CREB1: variants seen among roughly 807,000 people sequenced by gnomAD.
The protein encoded by CREB1 is cyclic AMP-responsive element-binding protein 1.
Under a neutral mutation model 42.0 loss-of-function variants are expected in CREB1, and 2 were observed. The observed-to-expected ratio is 0.05, with a 90% CI of 0.02 to 0.15. The LOEUF (loss-of-function observed/expected upper bound fraction) is 0.15, where lower values mean the gene tolerates loss of function less well. Among genes scored for constraint, CREB1 ranks in the 10% least tolerant of loss-of-function variants. The probability of loss-of-function intolerance (pLI) is 1.00; values close to 1 mark genes in which losing one functional copy is unlikely to be tolerated. For synonymous variants in CREB1, 123 were observed against 139.9 expected, an observed-to-expected ratio of 0.88 and a Z score of 0.85; for missense variants, 199 against 388.9, an observed-to-expected ratio of 0.51 and a Z score of 4.11.
At chr2:207,579,013 C>G (rs1009447242) in intron 7 of CREB1, among the ~76,000 whole-genome samples, 1 of 152,078 alleles carries the variant, frequency 6.6e-6, no homozygotes, top group Admixed American at 6.6e-5. Flanking sequence ...GTCTCGAACT[C>G]TTGACCTTGT....
rs2087249272 is a variant in CREB1 at position 207,602,497 on chromosome 2, T to C, written c.*5439T>C. ...CATTTGACCTAACATTACTTGCCTATAGAAGTATGGCATTTCCAAGCTTTT... is the reference window on the plus strand; with the variant it reads ...CATTTGACCTAACATTACTTGCCTACAGAAGTATGGCATTTCCAAGCTTTT... On this transcript the variant is annotated 3_prime_UTR_variant, in exon 8 of 8. Transcript: ENST00000353267. 1 of 205,172 alleles carries C rather than the reference T, an allele frequency of 4.9e-6. No individual in the cohort carries two copies. Among genetic ancestry groups the C allele is most frequent in the Non-Finnish European group, 1.0e-5 (1 of 100,386 alleles). The allele number at this position is 205,172 out of a possible 1,614,324, so 12.7% of individuals were successfully genotyped here.
rs1231020999 is a variant in CREB1 at position 207,600,443 on chromosome 2, A to T, written c.*3385A>T. 1 of 195,734 alleles carries T rather than the reference A, an allele frequency of 5.1e-6. No homozygotes were observed. 12.1% of individuals were successfully genotyped at this position (195,734 alleles called of 1,614,324 possible). A position where few individuals can be genotyped will look rare whatever the true frequency, so the allele number is the denominator to read the frequency against. ...GATTTTATCTTCTAATTTTCTTCCAAGTATTTTATTTTTTATTAGTTTTCT... is the reference window on the plus strand; with the variant it reads ...GATTTTATCTTCTAATTTTCTTCCATGTATTTTATTTTTTATTAGTTTTCT... On this transcript the variant is annotated 3_prime_UTR_variant, in exon 8 of 8. Coordinates refer to ENST00000353267, the MANE Select transcript of CREB1 (RefSeq NM_004379.5).
In CREB1 at chr2:207,571,930, C is replaced by A. The variant is rs200281376; in HGVS notation, c.505+1609C>A. Among the ~76,000 whole-genome samples the A allele has an allele frequency of 1.1e-4, 17 of 151,948 alleles. 1 individual carries two copies. The East Asian group carries it at 3.3e-3, about 29-fold the overall frequency. Reference sequence around the variant, plus strand: ...CGTCTCCTCCAGCAGCTGAAAATTGCTAGTTTTAAGAGATTGAGCCAGGCG... The same window carrying A: ...CGTCTCCTCCAGCAGCTGAAAATTGATAGTTTTAAGAGATTGAGCCAGGCG... On this transcript the variant is annotated intron_variant, in intron 5 of 7. Coordinates refer to ENST00000353267, the MANE Select transcript of CREB1 (RefSeq NM_004379.5).
At chr2:207,582,426 ATTAT>A (rs1179223829) in intron 7 of CREB1, among the ~76,000 whole-genome samples, 3 of 152,272 alleles carry the variant, frequency 2.0e-5, no homozygotes, top group African/African-American at 7.2e-5. Context: ...TCTTCTCCAC[ATTAT>A]TTATTTTATC....
rs142438869 is a variant in CREB1, at chr2:207,603,775, A to G, written c.*6717A>G. ...ATATACCTTCTCAGGTCCCCTTGCA[A>G]TTCTAAAACTCTGTGATCATATAAA... On this transcript the variant is annotated 3_prime_UTR_variant, in exon 8 of 8. Coordinates refer to ENST00000353267, the MANE Select transcript of CREB1 (RefSeq NM_004379.5). Among the ~76,000 whole-genome samples the G allele has an allele frequency of 6.6e-6, 1 of 152,298 alleles. No homozygotes were observed. Among genetic ancestry groups the G allele is most frequent in the African/African-American group, 2.4e-5 (1 of 41,548 alleles).
intron 3 of CREB1, among the ~76,000 whole-genome samples, chr2:207,560,863 T>C (rs977313587): frequency 2.0e-5 from 3 of 152,192 alleles, no homozygotes; most frequent in Non-Finnish European, 4.4e-5. Context: ...TGAAATAATA[T>C]ATTCAGAGGT....
intron 1 of CREB1, among the ~76,000 whole-genome samples, chr2:207,545,677 G>A (rs1340314943): frequency 6.6e-6 from 1 of 151,830 alleles, no homozygotes; most frequent in African/African-American, 2.4e-5. Context: ...AAATTTGAAA[G>A]GTAAAGGTTA....
chr2:207,562,024 AAG>A (rs2081975576), intron 3 of CREB1, among the ~76,000 whole-genome samples: 1 of 152,156 alleles, frequency 6.6e-6, no homozygotes, highest in African/African-American at 2.4e-5. Flanking sequence ...TAACAAGTAA[AAG>A]ATAGTGTTGT....
intron 1 of CREB1, among the ~76,000 whole-genome samples, chr2:207,539,777 T>A (rs959428647): frequency 6.6e-6 from 1 of 152,204 alleles, no homozygotes; most frequent in African/African-American, 2.4e-5. Flanking sequence ...AGAATTCAAG[T>A]TGAATACTAA....
intron 7 of CREB1, among the ~76,000 whole-genome samples, chr2:207,586,495 A>G (rs2083866040): frequency 2.6e-5 from 4 of 152,364 alleles, no homozygotes; most frequent in African/African-American, 9.6e-5. Context: ...GCTTCCTGAC[A>G]TTAGACTTGG....
rs1286163277 is a variant in CREB1 at position 207,570,207 on chromosome 2, G to A, written c.391G>A (p.Ala131Thr). 2 of 1,610,372 alleles carry A rather than the reference G, an allele frequency of 1.2e-6. No individual in the cohort carries two copies. The highest frequency in any genetic ancestry group is 1.7e-6 in the Non-Finnish European group (2 of 1,178,704). Residue 131 changes from alanine (A) to threonine (T), a missense_variant, in exon 5 of 8, where the codon GCA becomes ACA. Physicochemically the swap from Ala to Thr is moderately conservative, Grantham distance 58 (BLOSUM62 0). This residue lies in a region of CREB1 where 66 missense variants were observed against 150.8 expected (regional missense o/e 0.44). Coordinates refer to ENST00000353267, the MANE Select transcript of CREB1 (RefSeq NM_004379.5). ...AATTTTGAATGACTTATCTTCTGAT[G>A]CACCAGGAGTGCCAAGGATTGAAGA... Reference protein sequence around the residue: ...RKILNDLSSDAPGVPRIEEEK... With the variant: ...RKILNDLSSDTPGVPRIEEEK...
intron 7 of CREB1, among the ~76,000 whole-genome samples, chr2:207,578,567 T>C (rs779610640): frequency 3.9e-5 from 6 of 152,120 alleles, no homozygotes. Context: ...ACCCAAAGTA[T>C]TGTTGTAAGA....
Position 207,535,135 on chromosome 2 carries a change from A to G in CREB1, c.-9+5001A>G, listed in dbSNP as rs1293281792. Among the ~76,000 whole-genome samples the G allele has an allele frequency of 3.3e-5, 5 of 152,172 alleles. No individual in the cohort carries two copies. In the South Asian group the frequency reaches 1.0e-3, roughly 31 times the overall value. On this transcript the variant is annotated intron_variant, in intron 1 of 7. Coordinates refer to ENST00000353267, the MANE Select transcript of CREB1 (RefSeq NM_004379.5). The stretch of plus-strand genomic sequence containing the variant: ...TTGCCTTTATTTCTTTAAATGAAAA[A>G]CTTTCTATTTGAATGAAAAATAAAT...
intron 5 of CREB1, 84 bp downstream of exon 5, chr2:207,570,405 A>G (rs1017878574): frequency 1.5e-6 from 2 of 1,329,952 alleles, no homozygotes; most frequent in South Asian, 1.5e-5. Context: ...CTTCAGAGAA[A>G]CCAATACAAG....
chr2:207,602,466 A>G lies in CREB1; in HGVS notation c.*5408A>G, dbSNP rs2087242034. On this transcript the variant is annotated 3_prime_UTR_variant, in exon 8 of 8. Transcript: ENST00000353267. The stretch of plus-strand genomic sequence containing the variant: ...CTTTGAAAAGGATCAAAGAGTAGGA[A>G]ATTCACATTTGACCTAACATTACTT... 1 of 202,466 alleles carries G rather than the reference A, an allele frequency of 4.9e-6. No homozygotes were observed. The highest frequency in any genetic ancestry group is 1.0e-5 in the Non-Finnish European group (1 of 98,664). 12.5% of individuals were successfully genotyped at this position (202,466 alleles called of 1,614,324 possible).
At chr2:207,575,684 C>T (rs2082544330) in intron 6 of CREB1, among the ~76,000 whole-genome samples, 1 of 152,154 alleles carries the variant, frequency 6.6e-6, no homozygotes, top group East Asian at 1.9e-4. Context: ...CTACCTTTAA[C>T]ATCTTTTGGG....
At chr2:207,571,550 A>C (rs1179907099) in intron 5 of CREB1, among the ~76,000 whole-genome samples, 1 of 152,160 alleles carries the variant, frequency 6.6e-6, no homozygotes, top group Non-Finnish European at 1.5e-5. Flanking sequence ...CACTGTGCTC[A>C]ATTAGCTTAG....
rs184271497 is a variant in CREB1, at chr2:207,604,420, G to A, written c.*7362G>A. On this transcript the variant is annotated 3_prime_UTR_variant, in exon 8 of 8. Transcript: ENST00000353267. ...TATCCATCTGTTAAATTGTTTAGGG[G>A]AAACCTAGAAAAGCACTACCTTAAT... Among the ~76,000 whole-genome samples the A allele has an allele frequency of 5.1e-4, 77 of 152,184 alleles. No individual in the cohort carries two copies. Among genetic ancestry groups the A allele is most frequent in the South Asian group, 1.7e-3 (8 of 4,816 alleles).
chr2:207,602,526 T>G lies in CREB1; in HGVS notation c.*5468T>G. ...AGTATGGCATTTCCAAGCTTTTGTC[T>G]GAGGAGCATCTCAGAGAAGTGAGAG... On this transcript the variant is annotated 3_prime_UTR_variant, in exon 8 of 8. Transcript: ENST00000353267. The G allele has an allele frequency of 4.8e-6, 1 of 209,784 alleles. No homozygotes were observed. The highest frequency in any genetic ancestry group is 7.2e-5 in the East Asian group (1 of 13,906). 13.0% of individuals were successfully genotyped at this position (209,784 alleles called of 1,614,324 possible). A position where few individuals can be genotyped will look rare whatever the true frequency, so the allele number is the denominator to read the frequency against.
Sources: gnomAD v4.1 joint callset for allele counts (sites outside exome capture counted in the v4.1 genomes callset) on GRCh38, gnomAD v4.1.1 for gene constraint, gnomAD v4.1.1 regional missense constraint, MANE v1.5 for transcripts, NCBI Gene and HGNC (gene_info 2026-07-23, HGNC 2026-07-21) for gene names.